The following WLS variants were observed in gnomAD, a reference collection of about 807,000 sequenced individuals.
WLS encodes the protein protein wntless homolog.
WLS carries 23 observed loss-of-function variants against 62.8 expected under a neutral mutation model. The ratio of observed to expected loss-of-function variants is 0.37; its 90% CI spans 0.26 to 0.52. The LOEUF is 0.52. WLS is among the 20% of genes least tolerant of loss of function. The probability of loss-of-function intolerance (pLI) is 0.92; values close to 1 mark genes in which losing one functional copy is unlikely to be tolerated. For synonymous variants in WLS, 246 were observed against 244.1 expected (o/e 1.01, Z -0.07); for missense variants, 615 against 697.3 (o/e 0.88, Z 1.33).
chr1:68,230,570 C>CGTGTGTGTGTGTGTGTGTGT (rs112351005), intron 1 of WLS, among the ~76,000 whole-genome samples: 3 of 118,586 alleles, frequency 2.5e-5, no homozygotes, highest in African/African-American at 8.9e-5. Context: ...AAAGCCAACC[C>CGTGTGTGTGTGTGTGTGTGT]GTGTGTGTGT....
At chr1:68,191,134 A>T (rs1570984005) in intron 2 of WLS, among the ~76,000 whole-genome samples, 1 of 152,028 alleles carries the variant, frequency 6.6e-6, no homozygotes, top group East Asian at 1.9e-4. Flanking sequence ...CATTATTAAT[A>T]CAGTCAGTAG....
At chr1:68,108,984 G>A (rs1165308484) in intron 11 of WLS, among the ~76,000 whole-genome samples, 1 of 152,180 alleles carries the variant, frequency 6.6e-6, no homozygotes, top group Non-Finnish European at 1.5e-5. Flanking sequence ...ATTATGAAAT[G>A]CTTAGTGCTA....
At chr1:68,172,345 C>T (rs1390302027) in intron 2 of WLS, among the ~76,000 whole-genome samples, 1 of 150,878 alleles carries the variant, frequency 6.6e-6, no homozygotes, top group Non-Finnish European at 1.5e-5. Flanking sequence ...GTTCCAAATG[C>T]TGTATATAAA....
downstream of WLS, among the ~76,000 whole-genome samples, chr1:68,121,658 C>A (rs1488410840): frequency 6.6e-6 from 1 of 152,174 alleles, no homozygotes; most frequent in Non-Finnish European, 1.5e-5. Flanking sequence ...ATACAGAAGA[C>A]AAAGTACAGG....
At chr1:68,222,568 T>C (rs1387160857) in intron 1 of WLS, among the ~76,000 whole-genome samples, 1 of 152,120 alleles carries the variant, frequency 6.6e-6, no homozygotes, top group African/African-American at 2.4e-5. Context: ...ACACTGAAAC[T>C]CTGAAGGACA....
intron 1 of WLS, among the ~76,000 whole-genome samples, chr1:68,226,157 C>A (rs2100669456): frequency 6.6e-6 from 1 of 152,242 alleles, no homozygotes; most frequent in South Asian, 2.1e-4. Flanking sequence ...AATGAGAAAT[C>A]AGTTTTAGTG....
chr1:68,129,822 A>G (rs1034167969), intron 11 of WLS, among the ~76,000 whole-genome samples: 4 of 152,252 alleles, frequency 2.6e-5, no homozygotes, highest in Non-Finnish European at 5.9e-5. Flanking sequence ...CTCAGACAAG[A>G]AAAAACCCTT....
intron 2 of WLS, among the ~76,000 whole-genome samples, chr1:68,173,151 A>G (rs1049221513): frequency 6.6e-6 from 1 of 152,242 alleles, no homozygotes; most frequent in African/African-American, 2.4e-5. Flanking sequence ...TCTGAACCCA[A>G]TGATGAACCA....
chr1:68,155,233 C>T lies in WLS; in HGVS notation c.532G>A (p.Glu178Lys). Residue 178 changes from glutamate to lysine, a missense_variant, in exon 4 of 12, where the codon GAA becomes AAA. Physicochemically the swap from Glu to Lys is moderately conservative, Grantham distance 56. Coordinates refer to ENST00000262348, the MANE Select transcript of WLS (RefSeq NM_024911.7). Reference sequence around the variant, plus strand: ...TCCATGAAAGGAAGGACATCACATTCATAGTAACGGCCCTCATGCTCTGGA... The same window carrying T: ...TCCATGAAAGGAAGGACATCACATTTATAGTAACGGCCCTCATGCTCTGGA... ...KTPEHEGRYY[E>K]CDVLPFMEIG... is the part of the protein sequence containing the mutation. The T allele has an allele frequency of 6.2e-7, 1 of 1,613,614 alleles. No homozygotes were observed. Among genetic ancestry groups the T allele is most frequent in the South Asian group, 1.1e-5 (1 of 90,974 alleles).
At chr1:68,204,553 C>T (rs926925609) in intron 1 of WLS, among the ~76,000 whole-genome samples, 16 of 152,254 alleles carry the variant, frequency 1.1e-4, no homozygotes, top group African/African-American at 3.6e-4. Context: ...GTGATCCGCC[C>T]GCCTGGGCCT....
chr1:68,161,744 G>T (rs1407701272), intron 2 of WLS: 15 of 1,570,702 alleles, frequency 9.5e-6, no homozygotes, highest in African/African-American at 1.4e-5. Context: ...TTACCTTCCG[G>T]CATTCTCTGC....
At chr1:68,103,058 C>T (rs184329261) in intron 11 of WLS, among the ~76,000 whole-genome samples, 9 of 152,278 alleles carry the variant, frequency 5.9e-5, no homozygotes, top group Admixed American at 3.9e-4. Flanking sequence ...CCCAGTGGAC[C>T]GGAACCTGCA....
At chr1:68,210,011 T>C (rs1283061416) in intron 1 of WLS, among the ~76,000 whole-genome samples, 1 of 152,190 alleles carries the variant, frequency 6.6e-6, no homozygotes, top group Non-Finnish European at 1.5e-5. Context: ...TACCCAAAGT[T>C]ACATGAGTTC....
At chr1:68,121,579 C>T (rs990402848), downstream of WLS, among the ~76,000 whole-genome samples, 1 of 152,128 alleles carries the variant, frequency 6.6e-6, no homozygotes, top group African/African-American at 2.4e-5. Flanking sequence ...CGTATCAAAA[C>T]ATGATGGAGA....
At position 68,232,389 on chromosome 1, in the gene WLS, C is replaced by T; in HGVS notation, c.-90G>A. Reference sequence around the variant, plus strand: ...TCCTCTCACACACTCCCTCCTTCCTCGCCTCCTTTCTGGGCGCTGCAAAAC... The same window carrying T: ...TCCTCTCACACACTCCCTCCTTCCTTGCCTCCTTTCTGGGCGCTGCAAAAC... On this transcript the variant is annotated 5_prime_UTR_variant, in exon 1 of 12. Coordinates refer to ENST00000262348, the MANE Select transcript of WLS (RefSeq NM_024911.7). 6.7e-6 allele frequency: 10 copies of T among 1,498,024 alleles called. No homozygotes were observed. The South Asian group carries it at 1.2e-4, about 18-fold the overall frequency. 92.8% of individuals were successfully genotyped at this position (1,498,024 alleles called of 1,614,324 possible). A position where few individuals can be genotyped will look rare whatever the true frequency, so the allele number is the denominator to read the frequency against.
chr1:68,169,067 T>C (rs1215608772), intron 2 of WLS, among the ~76,000 whole-genome samples: 1 of 152,252 alleles, frequency 6.6e-6, no homozygotes, highest in African/African-American at 2.4e-5. Flanking sequence ...GCTTCTCGTC[T>C]TTCCTCATCA....
At chr1:68,128,216 A>G (rs962087928) in intron 11 of WLS, among the ~76,000 whole-genome samples, 1 of 152,194 alleles carries the variant, frequency 6.6e-6, no homozygotes, top group Non-Finnish European at 1.5e-5. Context: ...GGCTGGTGAG[A>G]GGCTTTAGCT....
At chr1:68,112,152 T>A (rs1404539677) in intron 11 of WLS, among the ~76,000 whole-genome samples, 2 of 152,136 alleles carry the variant, frequency 1.3e-5, no homozygotes, top group Non-Finnish European at 2.9e-5. Flanking sequence ...AGAGAAGAAG[T>A]CCCTCTGGGA....
At chr1:68,156,040 T>C (rs991682293) in intron 3 of WLS, among the ~76,000 whole-genome samples, 2 of 152,020 alleles carry the variant, frequency 1.3e-5, no homozygotes, top group African/African-American at 4.8e-5. Context: ...AGCACGGTGG[T>C]GGGAAATTGG....
Sources: allele counts gnomAD v4.1 joint callset (sites outside exome capture counted in the v4.1 genomes callset), GRCh38; gene constraint gnomAD v4.1.1; transcripts MANE v1.5; gene names NCBI Gene and HGNC (gene_info 2026-07-23, HGNC 2026-07-21).